The following NRG3 variants were observed in gnomAD, a reference collection of about 807,000 sequenced individuals.
NRG3 encodes pro-neuregulin-3, membrane-bound isoform.
NRG3 carries 31 observed loss-of-function variants against 66.9 expected under a neutral mutation model. The observed-to-expected ratio is 0.46, with a 90% CI of 0.35 to 0.63. NRG3 has a LOEUF of 0.63. Ranked by LOEUF, NRG3 falls within the 20% of genes least tolerant of loss-of-function variation. The pLI is 0.00. For missense variants in NRG3, 910 were observed against 878.9 expected, an observed-to-expected ratio of 1.04 and a Z score of -0.45; for synonymous variants, 393 against 359.4, an observed-to-expected ratio of 1.09 and a Z score of -1.06.
chr10:82,041,674 C>A (rs1466753222), intron 1 of NRG3, among the ~76,000 whole-genome samples: 1 of 151,936 alleles, frequency 6.6e-6, no homozygotes, highest in Non-Finnish European at 1.5e-5. Flanking sequence ...ACAAAGTGTT[C>A]CTGAGTAGAC....
At chr10:82,287,192 T>A (rs2079465251) in intron 1 of NRG3, among the ~76,000 whole-genome samples, 1 of 151,918 alleles carries the variant, frequency 6.6e-6, no homozygotes, top group African/African-American at 2.4e-5. Flanking sequence ...ATGGGGCAGG[T>A]CCCTCATGGC....
At chr10:82,500,435 G>A (rs571977775) in intron 2 of NRG3, among the ~76,000 whole-genome samples, 9 of 152,116 alleles carry the variant, frequency 5.9e-5, no homozygotes, top group Non-Finnish European at 1.3e-4. Context: ...CATGGGATCC[G>A]TCCATTTCTC....
intron 2 of NRG3, among the ~76,000 whole-genome samples, chr10:82,505,111 T>C (rs1346187146): frequency 6.6e-6 from 1 of 152,188 alleles, no homozygotes; most frequent in African/African-American, 2.4e-5. Flanking sequence ...GAATCGAAAG[T>C]GGAACCAATT....
At chr10:82,266,332 G>A (rs1456183178) in intron 1 of NRG3, among the ~76,000 whole-genome samples, 1 of 152,106 alleles carries the variant, frequency 6.6e-6, no homozygotes, top group East Asian at 1.9e-4. Flanking sequence ...AGCGGAGTTG[G>A]AGAATGCGGG....
chr10:82,087,749 A>G (rs1372930015), intron 1 of NRG3, among the ~76,000 whole-genome samples: 1 of 152,098 alleles, frequency 6.6e-6, no homozygotes, highest in Non-Finnish European at 1.5e-5. Context: ...TAGCATTAGG[A>G]CAGCTTCTTT....
chr10:82,393,368 A>G (rs2086514627), intron 2 of NRG3, among the ~76,000 whole-genome samples: 1 of 152,170 alleles, frequency 6.6e-6, no homozygotes, highest in Admixed American at 6.5e-5. Flanking sequence ...CATGGGGTCC[A>G]GGAAGGAGCC....
At chr10:82,462,150 A>G (rs1317921942) in intron 2 of NRG3, among the ~76,000 whole-genome samples, 2 of 152,048 alleles carry the variant, frequency 1.3e-5, no homozygotes, top group Non-Finnish European at 1.5e-5. Context: ...TAAATAAATA[A>G]ATAAATCTAT....
At chr10:82,640,502 C>G (rs1318605040) in intron 2 of NRG3, among the ~76,000 whole-genome samples, 1 of 152,120 alleles carries the variant, frequency 6.6e-6, no homozygotes, top group Admixed American at 6.6e-5. Context: ...TCAGGTAGTA[C>G]CTGTTTTCTC....
chr10:82,975,985 A>C (rs1852211476), intron 7 of NRG3, among the ~76,000 whole-genome samples: 1 of 152,232 alleles, frequency 6.6e-6, no homozygotes, highest in African/African-American at 2.4e-5. Flanking sequence ...ATCTGTTTAG[A>C]AAATAAATCT....
At chr10:82,179,372 C>G (rs1441889004) in intron 1 of NRG3, among the ~76,000 whole-genome samples, 2 of 151,890 alleles carry the variant, frequency 1.3e-5, no homozygotes, top group Non-Finnish European at 2.9e-5. Flanking sequence ...AGGAGTTTTA[C>G]AGTTTCAGGT....
intron 1 of NRG3, among the ~76,000 whole-genome samples, chr10:82,166,283 TGCTGGGATTACAGGCATGAGCCACCA>T (rs1439617820): frequency 6.6e-6 from 1 of 152,146 alleles, no homozygotes; most frequent in African/African-American, 2.4e-5. Flanking sequence ...CCTCCCAAAG[TGCTGGGATTACAGGCATGAGCCACCA>T]GGTCCGGCCT....
chr10:82,498,755 T>C (rs188146977), intron 2 of NRG3, among the ~76,000 whole-genome samples: 1 of 152,306 alleles, frequency 6.6e-6, no homozygotes, highest in Non-Finnish European at 1.5e-5. Context: ...AATTGCCTGT[T>C]GCCTGTCACT....
chr10:82,619,147 A>C (rs926853962), intron 2 of NRG3, among the ~76,000 whole-genome samples: 2 of 152,168 alleles, frequency 1.3e-5, no homozygotes, highest in African/African-American at 4.8e-5. Flanking sequence ...TCCAATATTT[A>C]GAAACTCCTT....
intron 3 of NRG3, among the ~76,000 whole-genome samples, chr10:82,828,556 G>A (rs986715839): frequency 6.6e-6 from 1 of 152,132 alleles, no homozygotes; most frequent in South Asian, 2.1e-4. Flanking sequence ...TGGCTCTTGA[G>A]ACCTGGGATA....
At chr10:82,269,574 CTCTTCA>C (rs1411908418) in intron 1 of NRG3, among the ~76,000 whole-genome samples, 1 of 151,940 alleles carries the variant, frequency 6.6e-6, no homozygotes, top group Non-Finnish European at 1.5e-5. Flanking sequence ...TGAAGACAAG[CTCTTCA>C]TCTCTCTAAA....
At chr10:82,577,759 A>G (rs1473544564) in intron 2 of NRG3, among the ~76,000 whole-genome samples, 1 of 151,816 alleles carries the variant, frequency 6.6e-6, no homozygotes, top group Non-Finnish European at 1.5e-5. Flanking sequence ...TAGAAGGACC[A>G]TTGTTCTAAA....
At chr10:81,942,159 T>C (rs574241027) in intron 1 of NRG3, among the ~76,000 whole-genome samples, 2 of 152,144 alleles carry the variant, frequency 1.3e-5, no homozygotes, top group African/African-American at 4.8e-5. Flanking sequence ...GAGATTAGTT[T>C]ACAAAGTGAA....
At chr10:82,439,982 T>C (rs1199776740) in intron 2 of NRG3, among the ~76,000 whole-genome samples, 1 of 152,112 alleles carries the variant, frequency 6.6e-6, no homozygotes, top group African/African-American at 2.4e-5. Flanking sequence ...TTTAGAACAT[T>C]GTACGTTATT....
At chr10:82,797,137 CT>C (rs2060833670) in intron 3 of NRG3, among the ~76,000 whole-genome samples, 1 of 152,138 alleles carries the variant, frequency 6.6e-6, no homozygotes, top group African/African-American at 2.4e-5. Flanking sequence ...GCGTTCGACA[CT>C]GTTGTTCTGA....
Sources: allele counts gnomAD v4.1 joint callset (sites outside exome capture counted in the v4.1 genomes callset), GRCh38; gene constraint gnomAD v4.1.1; transcripts MANE v1.5; gene names NCBI Gene and HGNC (gene_info 2026-07-23, HGNC 2026-07-21).